ANO2: variants seen among roughly 807,000 people sequenced by gnomAD.
ANO2 encodes the protein anoctamin-2.
In ANO2, 101 loss-of-function variants were observed where a neutral mutation model predicts 124.2. The observed-to-expected ratio is 0.81, with a 90% CI of 0.69 to 0.96. The LOEUF is 0.96. Ranked by LOEUF, ANO2 falls within the 40% of genes least tolerant of loss-of-function variation. The pLI, the probability that ANO2 is intolerant of heterozygous loss-of-function variation, is 0.00. For synonymous variants in ANO2, 486 were observed against 482.5 expected (o/e 1.01, Z -0.09); for missense variants, 1,293 against 1,274.5 (o/e 1.01, Z -0.22).
At chr12:5,869,164 G>T (rs972552756) in intron 3 of ANO2, among the ~76,000 whole-genome samples, 1 of 152,046 alleles carries the variant, frequency 6.6e-6, no homozygotes, top group Non-Finnish European at 1.5e-5. Context: ...ATCCAGCAGG[G>T]CCATTCGCAC....
chr12:5,754,256 A>G (rs1951516878), intron 10 of ANO2, among the ~76,000 whole-genome samples: 1 of 152,236 alleles, frequency 6.6e-6, no homozygotes, highest in South Asian at 2.1e-4. Context: ...TTGTATCCCA[A>G]GGAAAAAAAC....
chr12:5,690,050 G>T (rs1020531005), intron 14 of ANO2, among the ~76,000 whole-genome samples: 3 of 152,082 alleles, frequency 2.0e-5, no homozygotes, highest in African/African-American at 7.2e-5. Flanking sequence ...TGTACAAGCA[G>T]GCACAGCAGG....
intron 14 of ANO2, among the ~76,000 whole-genome samples, chr12:5,729,653 C>G (rs1321464533): frequency 1.3e-5 from 2 of 151,086 alleles, no homozygotes; most frequent in African/African-American, 2.4e-5. Flanking sequence ...AATTCTACTC[C>G]TACGTATATA....
intron 14 of ANO2, among the ~76,000 whole-genome samples, chr12:5,683,799 G>A (rs1948597987): frequency 6.6e-6 from 1 of 151,998 alleles, no homozygotes; most frequent in Non-Finnish European, 1.5e-5. Context: ...GACAGGGCAG[G>A]GTAGGGAGGG....
At chr12:5,827,879 T>C in intron 6 of ANO2, 59 bp from the exon 7 acceptor site, 1 of 1,560,214 alleles carries the variant, frequency 6.4e-7, no homozygotes, top group Non-Finnish European at 8.7e-7. Flanking sequence ...CTCCACCGTG[T>C]GTCACCCTCA....
chr12:5,627,251 A>G (rs1434273546), intron 16 of ANO2, among the ~76,000 whole-genome samples: 1 of 152,226 alleles, frequency 6.6e-6, no homozygotes, highest in Non-Finnish European at 1.5e-5. Context: ...CAACAAGCAT[A>G]GAATCCCCCC....
chr12:5,738,444 T>C (rs1165150501), intron 13 of ANO2, among the ~76,000 whole-genome samples: 2 of 152,154 alleles, frequency 1.3e-5, no homozygotes, highest in Non-Finnish European at 2.9e-5. Flanking sequence ...CTGGCCCTTC[T>C]AGACGGCCCT....
chr12:5,744,076 AG>A, intron 12 of ANO2, 80 bp downstream of exon 12: 1 of 1,543,818 alleles, frequency 6.5e-7, no homozygotes. Context: ...AGTAACCTGA[AG>A]GGGATGAGCT....
Position 5,750,902 on chromosome 12 carries a change from G to A in ANO2, c.1124C>T (p.Pro375Leu). The change falls in exon 11 of 25, where the codon CCA (proline) becomes CTA (leucine). Residue 375 changes from proline (P) to leucine (L), a missense_variant. Pro to Leu is a moderately conservative substitution (Grantham distance 98, BLOSUM62 -3). Coordinates refer to ENST00000682330, the MANE Select transcript of ANO2 (RefSeq NM_001364791.2). ...CACAATCACTCCAATTACAGAAGAT[G>A]GGATGAGGAATGATGTATATAATCC... is the stretch of plus-strand genomic sequence containing the variant. ...WLGLYTSFLI[P>L]SSVIGVIVFL... The A allele has an allele frequency of 3.1e-6, 5 of 1,611,746 alleles. No individual in the cohort carries two copies. The highest frequency in any genetic ancestry group is 3.4e-6 in the Non-Finnish European group (4 of 1,178,774).
chr12:5,611,058 C>G (rs1030552039), intron 19 of ANO2, among the ~76,000 whole-genome samples: 13 of 148,916 alleles, frequency 8.7e-5, no homozygotes, highest in Admixed American at 8.2e-4. Flanking sequence ...GTACCCTCCA[C>G]CTCCAGGGTT....
intron 22 of ANO2, among the ~76,000 whole-genome samples, chr12:5,576,900 ACTTGTTATATGTCC>A (rs1942444374): frequency 6.6e-6 from 1 of 152,254 alleles, no homozygotes; most frequent in East Asian, 1.9e-4. Context: ...CTTACTGGGC[ACTTGTTATATGTCC>A]TTTCATCATG....
At chr12:5,764,607 T>C (rs375565623) in intron 10 of ANO2, among the ~76,000 whole-genome samples, 3 of 152,224 alleles carry the variant, frequency 2.0e-5, no homozygotes, top group Non-Finnish European at 4.4e-5. Context: ...GCATGAGACA[T>C]GCCCATGGCA....
At chr12:5,616,931 CAGTG>C (rs879341436) in intron 16 of ANO2, among the ~76,000 whole-genome samples, 38,616 of 150,946 alleles carry the variant, frequency 0.26, 5,282 homozygotes, top group African/African-American at 0.35. Flanking sequence ...CCAGATCACA[CAGTG>C]CCACACTCTC....
chr12:5,570,669 G>T (rs1006884950), intron 23 of ANO2, among the ~76,000 whole-genome samples: 1 of 152,094 alleles, frequency 6.6e-6, no homozygotes. Context: ...TGAAGTCAAC[G>T]ATCAGTAACA....
intron 16 of ANO2, among the ~76,000 whole-genome samples, chr12:5,617,949 G>T (rs1476509076): frequency 6.6e-6 from 1 of 152,186 alleles, no homozygotes; most frequent in African/African-American, 2.4e-5. Context: ...TCTCCCTAAG[G>T]CGAGGATTTA....
At position 5,916,491 on chromosome 12, in the gene ANO2, T is replaced by TAAAAAAAAA. The variant is rs769233593; in HGVS notation, c.534+4548_534+4549insTTTTTTTTT. ...CTCTGAATAGAAAAATCGCAGCAGG[T>TAAAAAAAAA]TAAAAAAAAAAAAAAAAAAAAAGGC... On this transcript the variant is annotated intron_variant, in intron 3 of 24. Transcript: ENST00000682330. 2.7e-3 allele frequency among the ~76,000 whole-genome samples: 265 copies of TAAAAAAAAA among 98,102 alleles called. 13 individuals are homozygous for TAAAAAAAAA. Among genetic ancestry groups the TAAAAAAAAA allele is most frequent in the Middle Eastern group, 0.015 (2 of 132 alleles). 64.4% of individuals were successfully genotyped at this position (98,102 alleles called of 152,430 possible).
intron 15 of ANO2, among the ~76,000 whole-genome samples, chr12:5,642,362 A>C (rs2136949309): frequency 1.3e-5 from 2 of 152,260 alleles, no homozygotes; most frequent in Middle Eastern, 6.8e-3. Context: ...ACTCATATGC[A>C]TCAGGAGGGC....
rs1191954378 is a variant in ANO2, at chr12:5,578,440, A to G, written c.2312T>C (p.Ile771Thr). The change falls in exon 21 of 25, where the codon ATT becomes ACT. Residue 771 changes from isoleucine (I) to threonine (T), a missense_variant. Ile to Thr is a moderately conservative substitution (Grantham distance 89). Transcript: ENST00000682330. Reference protein sequence around the residue: ...APVFALLNNVIEVRLDAKKFV... With the variant: ...APVFALLNNVTEVRLDAKKFV... ...CTTCTTTGCATCGAGCCGCACTTCA[A>G]TGACGTTGTTGAGGAGGGCAAACAC... 1.7e-5 allele frequency: 27 copies of G among 1,613,902 alleles called. No individual in the cohort carries two copies. The highest frequency in any genetic ancestry group is 8.8e-5 in the South Asian group (8 of 91,080).
intron 14 of ANO2, among the ~76,000 whole-genome samples, chr12:5,702,669 G>A (rs1489531099): frequency 6.6e-6 from 1 of 152,010 alleles, no homozygotes; most frequent in East Asian, 1.9e-4. Context: ...CAAGATTCAT[G>A]TGGAAAAGCA....
Sources: allele counts gnomAD v4.1 joint callset (sites outside exome capture counted in the v4.1 genomes callset), GRCh38; gene constraint gnomAD v4.1.1; transcripts MANE v1.5; gene names NCBI Gene and HGNC (gene_info 2026-07-23, HGNC 2026-07-21).